The following NUDT3 variants were observed in gnomAD, a reference collection of about 807,000 sequenced individuals.
NUDT3 encodes the protein diphosphoinositol polyphosphate phosphohydrolase 1.
In NUDT3, 9 loss-of-function variants were observed where a neutral mutation model predicts 23.6. The ratio of observed to expected loss-of-function variants is 0.38; its 90% confidence interval spans 0.23 to 0.66. NUDT3 has a LOEUF of 0.66. Among genes scored for constraint, NUDT3 ranks in the 30% least tolerant of loss-of-function variants. NUDT3 has a pLI of 0.52. For synonymous variants in NUDT3, 86 were observed against 82.6 expected (o/e 1.04, Z -0.22); for missense variants, 172 against 218.5 (o/e 0.79, Z 1.34).
At chr6:34,365,363 A>G (rs1014236674) in intron 1 of NUDT3, among the ~76,000 whole-genome samples, 2 of 152,164 alleles carry the variant, frequency 1.3e-5, no homozygotes, top group Non-Finnish European at 2.9e-5. Context: ...TGGGAGGCAG[A>G]GGTTGCAGTG....
intron 2 of NUDT3, among the ~76,000 whole-genome samples, chr6:34,327,832 C>A (rs1764065294): frequency 6.6e-6 from 1 of 152,096 alleles, no homozygotes; most frequent in African/African-American, 2.4e-5. Context: ...TCTTCCCAGG[C>A]GCTGGCATTA....
At chr6:34,348,516 A>G (rs1311451027) in intron 1 of NUDT3, among the ~76,000 whole-genome samples, 1 of 151,622 alleles carries the variant, frequency 6.6e-6, no homozygotes, top group Admixed American at 6.6e-5. Flanking sequence ...GGTGGCTCAC[A>G]CCTGTAATCC....
At chr6:34,320,758 C>T (rs1050166666) in intron 2 of NUDT3, among the ~76,000 whole-genome samples, 7 of 152,186 alleles carry the variant, frequency 4.6e-5, no homozygotes, top group Admixed American at 3.3e-4. Context: ...ATCACCTGAG[C>T]TCAGGAGGTC....
rs779885574 is a variant in NUDT3 at position 34,293,567 on chromosome 6, T to A, written c.256-32A>T. ...GGCAAAGAGAGAAGGATAGAGAGAGTTTTTCCTTAGAAAGCTGGAATTACT... is the reference window on the plus strand; with the variant it reads ...GGCAAAGAGAGAAGGATAGAGAGAGATTTTCCTTAGAAAGCTGGAATTACT... On this transcript the variant is annotated intron_variant, in intron 3 of 4. Coordinates refer to ENST00000607016, the MANE Select transcript of NUDT3 (RefSeq NM_006703.4). The A allele has an allele frequency of 7.4e-6, 12 of 1,612,468 alleles. No homozygotes were observed. The African/African-American group carries it at 1.6e-4, about 22-fold the overall frequency.
In NUDT3 at chr6:34,367,204, G is replaced by A. The variant is rs148491082; in HGVS notation, c.99+25060C>T. Among the ~76,000 whole-genome samples, 984 of 152,094 alleles carry A rather than the reference G, an allele frequency of 6.5e-3. 11 individuals are homozygous for A. Among genetic ancestry groups the A allele is most frequent in the African/African-American group, 0.022 (900 of 41,534 alleles). On this transcript the variant is annotated intron_variant, in intron 1 of 4. Transcript: ENST00000607016. Reference sequence around the variant, plus strand: ...TGACCTAAAAACATTTTAATTGGCCGGGCGCAGTGGCTCACGCCTGTAATA... The same window carrying A: ...TGACCTAAAAACATTTTAATTGGCCAGGCGCAGTGGCTCACGCCTGTAATA...
rs978441259 is a variant in NUDT3, at chr6:34,285,366, A to G, written c.*3387T>C. On this transcript the variant is annotated 3_prime_UTR_variant, in exon 5 of 5. Transcript: ENST00000607016. ...AGAAAATCCTGGTCCAAAAGATCAC[A>G]TGACCTTACTAGTGTTTCCCCAATG... 8.5e-5 allele frequency: 13 copies of G among 152,250 alleles called. No individual in the cohort carries two copies. Among genetic ancestry groups the G allele is most frequent in the African/African-American group, 3.1e-4 (13 of 41,462 alleles). The allele number at this position is 152,250 out of a possible 1,614,324, so 9.4% of individuals were successfully genotyped here.
At chr6:34,342,133 A>G (rs1476294682) in intron 1 of NUDT3, among the ~76,000 whole-genome samples, 161 bp from the exon 2 acceptor site, 2 of 151,896 alleles carry the variant, frequency 1.3e-5, no homozygotes, top group African/African-American at 4.9e-5. Context: ...TTCTATTTGA[A>G]AAAGTAGGCA....
At chr6:34,309,532 G>C (rs533664836) in intron 2 of NUDT3, among the ~76,000 whole-genome samples, 5 of 151,892 alleles carry the variant, frequency 3.3e-5, no homozygotes, top group South Asian at 2.1e-4. Context: ...TTAAAAATTA[G>C]AACAGAAATC....
intron 1 of NUDT3, among the ~76,000 whole-genome samples, chr6:34,345,184 GAT>G (rs1764346583): frequency 6.6e-6 from 1 of 151,798 alleles, no homozygotes; most frequent in Non-Finnish European, 1.5e-5. Flanking sequence ...GAGTAGCTGG[GAT>G]TACAGGTGCC....
intron 2 of NUDT3, among the ~76,000 whole-genome samples, chr6:34,325,923 AATATAGCTG>A: frequency 6.6e-6 from 1 of 152,238 alleles, no homozygotes; most frequent in Non-Finnish European, 1.5e-5. Flanking sequence ...CAGGAACTTG[AATATAGCTG>A]GTATATATAT....
At chr6:34,360,006 AT>A (rs1429596994) in intron 1 of NUDT3, among the ~76,000 whole-genome samples, 3 of 152,142 alleles carry the variant, frequency 2.0e-5, no homozygotes, top group Non-Finnish European at 4.4e-5. Flanking sequence ...AAGTGAGCAG[AT>A]TGCTTGAGTC....
At chr6:34,311,989 G>A (rs1211355726) in intron 2 of NUDT3, among the ~76,000 whole-genome samples, 1 of 152,142 alleles carries the variant, frequency 6.6e-6, no homozygotes, top group South Asian at 2.1e-4. Flanking sequence ...TAACACAAGG[G>A]AAAATATAGG....
intron 1 of NUDT3, among the ~76,000 whole-genome samples, chr6:34,370,762 T>A (rs989719054): frequency 6.6e-6 from 1 of 151,578 alleles, no homozygotes; most frequent in Non-Finnish European, 1.5e-5. Context: ...TTGTTATAGT[T>A]GTTGTACTGT....
chr6:34,298,897 A>G (rs1218739247), intron 2 of NUDT3, among the ~76,000 whole-genome samples: 3 of 152,260 alleles, frequency 2.0e-5, no homozygotes, highest in Non-Finnish European at 2.9e-5. Context: ...ATTGGAATTC[A>G]GCACTTTTCT....
rs534644887 is a variant in NUDT3, at chr6:34,345,650, G to A, written c.100-3678C>T. 2.0e-3 allele frequency among the ~76,000 whole-genome samples: 265 copies of A among 135,252 alleles called. 1 individual carries two copies. The highest frequency in any genetic ancestry group is 6.8e-3 in the African/African-American group (249 of 36,464). The allele number at this position is 135,252 out of a possible 152,430, so 88.7% of individuals were successfully genotyped here. A position where few individuals can be genotyped will look rare whatever the true frequency, so the allele number is the denominator to read the frequency against. On this transcript the variant is annotated intron_variant, in intron 1 of 4. Coordinates refer to ENST00000607016, the MANE Select transcript of NUDT3 (RefSeq NM_006703.4). The stretch of plus-strand genomic sequence containing the variant: ...GGCAGTCTAGCATGGGCGACAGAGC[G>A]AGACTCCGTCCCAAAAAAAAAAAAA...
At chr6:34,342,356 G>T (rs1050643015) in intron 1 of NUDT3, among the ~76,000 whole-genome samples, 4 of 150,436 alleles carry the variant, frequency 2.7e-5, no homozygotes, top group African/African-American at 9.8e-5. Flanking sequence ...GAAAAAGCTG[G>T]CCAGAAGACA....
chr6:34,304,287 C>G (rs1763643662), intron 2 of NUDT3, among the ~76,000 whole-genome samples: 2 of 150,544 alleles, frequency 1.3e-5, no homozygotes, highest in South Asian at 4.2e-4. Context: ...TTTGCTATCG[C>G]TGGGCATGGT....
At chr6:34,309,746 T>C (rs1407771090) in intron 2 of NUDT3, among the ~76,000 whole-genome samples, 1 of 151,782 alleles carries the variant, frequency 6.6e-6, no homozygotes, top group Non-Finnish European at 1.5e-5. Flanking sequence ...ATATTAGACA[T>C]GAAAGAGGAG....
At chr6:34,344,972 C>G (rs1581878835) in intron 1 of NUDT3, among the ~76,000 whole-genome samples, 1 of 151,758 alleles carries the variant, frequency 6.6e-6, no homozygotes, top group Non-Finnish European at 1.5e-5. Context: ...TTTAAAATGG[C>G]TAATGGTATG....
Sources: gnomAD v4.1 joint callset for allele counts (sites outside exome capture counted in the v4.1 genomes callset) on GRCh38, gnomAD v4.1.1 for gene constraint, MANE v1.5 for transcripts, NCBI Gene and HGNC (gene_info 2026-07-23, HGNC 2026-07-21) for gene names.